REV3L: variants seen among roughly 807,000 people sequenced by gnomAD.
The protein encoded by REV3L is DNA polymerase zeta catalytic subunit.
A neutral mutation model predicts 299.4 loss-of-function variants in REV3L; 69 were observed. The observed-to-expected ratio is 0.23, with a 90% CI of 0.19 to 0.28. The LOEUF (loss-of-function observed/expected upper bound fraction) is 0.28. REV3L is among the 10% of genes least tolerant of loss of function. The probability of loss-of-function intolerance (pLI) is 1.00; values close to 1 mark genes in which losing one functional copy is unlikely to be tolerated. For missense variants in REV3L, 3,128 were observed against 3,693.8 expected (o/e 0.85, Z 3.97); for synonymous variants, 1,238 against 1,271.4 (o/e 0.97, Z 0.56).
At chr6:111,474,807 T>G (rs868139834) in intron 1 of REV3L, among the ~76,000 whole-genome samples, 1 of 152,226 alleles carries the variant, frequency 6.6e-6, no homozygotes, top group Non-Finnish European at 1.5e-5. Flanking sequence ...TTAAAAATAT[T>G]AACTTTGAAT....
intron 1 of REV3L, among the ~76,000 whole-genome samples, chr6:111,429,982 A>G (rs17539267): frequency 3.3e-5 from 5 of 152,230 alleles, no homozygotes; most frequent in Non-Finnish European, 7.3e-5. Flanking sequence ...AAGACAAAAA[A>G]CAATCATGAC....
intron 1 of REV3L, among the ~76,000 whole-genome samples, chr6:111,419,391 T>C (rs943227148): frequency 2.0e-5 from 3 of 152,112 alleles, no homozygotes; most frequent in Non-Finnish European, 4.4e-5. Flanking sequence ...TTTTTGGAAA[T>C]AGTATGTCTT....
rs369138730 is a variant in REV3L at position 111,416,384 on chromosome 6, A to G, written c.228T>C (p.Leu76=). The G allele has an allele frequency of 9.2e-5, 149 of 1,613,828 alleles. No individual in the cohort carries two copies. The African/African-American group carries it at 1.7e-3, about 19-fold the overall frequency. Residue 76 remains leucine, a synonymous_variant, in exon 2 of 32, where the codon CTT becomes CTC. Transcript: ENST00000368802. ...TGTCGATACTGAATGCCATCTGAGA[A>G]AGATAGCTTTCTGGCTGCTGTCCAT... ...DGYGQQPESY[L]SQMAFSIDRA... is the part of the protein sequence containing the mutation.
intron 1 of REV3L, among the ~76,000 whole-genome samples, chr6:111,420,923 G>A (rs1313376902): frequency 6.6e-6 from 1 of 152,042 alleles, no homozygotes; most frequent in Non-Finnish European, 1.5e-5. Flanking sequence ...GGTAGATCAC[G>A]AGGTCAGGAG....
At chr6:111,322,120 A>T (rs1774255090) in intron 26 of REV3L, among the ~76,000 whole-genome samples, 1 of 152,214 alleles carries the variant, frequency 6.6e-6, no homozygotes, top group Admixed American at 6.5e-5. Context: ...CACTTCTCTT[A>T]GAAGGTCAAC....
At chr6:111,402,781 T>G (rs2128271195) in intron 4 of REV3L, among the ~76,000 whole-genome samples, 1 of 152,270 alleles carries the variant, frequency 6.6e-6, no homozygotes, top group East Asian at 1.9e-4. Context: ...AAAAAAATTA[T>G]GGCAGTTAGA....
Position 111,349,306 on chromosome 6 carries a change from T to G in REV3L, c.7331A>C (p.Glu2444Ala), listed in dbSNP as rs749719847. Residue 2444 changes from glutamate to alanine, a missense_variant, in exon 20 of 32, where the codon GAA becomes GCA. Coordinates refer to ENST00000368802, the MANE Select transcript of REV3L (RefSeq NM_001372078.1). The part of the protein sequence containing the change: ...DDKIENRFAA[E>A]RDEYGSYTMS... Reference sequence around the variant, plus strand: ...TGTATATGATCCATACTCATCTCTTTCAGCTGCAAATCTGTTCTCAATTTT... The same window carrying G: ...TGTATATGATCCATACTCATCTCTTGCAGCTGCAAATCTGTTCTCAATTTT... 1.0e-5 allele frequency: 16 copies of G among 1,600,932 alleles called. No individual in the cohort carries two copies. The highest frequency in any genetic ancestry group is 1.4e-5 in the Non-Finnish European group (16 of 1,171,556).
chr6:111,323,624 C>CAAATATGAGA (rs1486285654), intron 25 of REV3L, among the ~76,000 whole-genome samples: 2 of 151,988 alleles, frequency 1.3e-5, no homozygotes, highest in Non-Finnish European at 2.9e-5. Flanking sequence ...TGGGCCTTGA[C>CAAATATGAGA]AAATATGAGA....
intron 9 of REV3L, among the ~76,000 whole-genome samples, chr6:111,384,186 G>A (rs1781107090): frequency 6.6e-6 from 1 of 152,076 alleles, no homozygotes; most frequent in Admixed American, 6.6e-5. Context: ...TAGAATATTG[G>A]TCTGAGCAAA....
intron 4 of REV3L, among the ~76,000 whole-genome samples, chr6:111,403,350 A>G (rs1294052117): frequency 6.6e-6 from 1 of 152,200 alleles, no homozygotes; most frequent in Non-Finnish European, 1.5e-5. Context: ...TACCCCATTA[A>G]ATTGTGCTTT....
chr6:111,423,754 A>G (rs1785847059), intron 1 of REV3L, among the ~76,000 whole-genome samples: 1 of 152,138 alleles, frequency 6.6e-6, no homozygotes, highest in Admixed American at 6.5e-5. Context: ...GGATTTAGGG[A>G]GTAGAATCAA....
intron 17 of REV3L, 25 bp downstream of exon 17, chr6:111,358,797 T>C (rs1308221027): frequency 5.7e-6 from 9 of 1,567,652 alleles, no homozygotes; most frequent in Non-Finnish European, 7.9e-6. Context: ...TGGGCAGGTA[T>C]ATCATTAATA....
rs780936950 is a variant in REV3L, at chr6:111,310,075, G to A, written c.8820C>T (p.Arg2940=). 7 of 1,579,338 alleles carry A rather than the reference G, an allele frequency of 4.4e-6. No individual in the cohort carries two copies. In the Admixed American group the frequency reaches 5.4e-5, roughly 12 times the overall value. The change falls in exon 30 of 32, where the codon CGC becomes CGT. Residue 2940 remains arginine, a synonymous_variant. Transcript: ENST00000368802. ...CTCGCTCCCCAACCTGAGGCTCAGA[G>A]CGCCGGTCATAAGTCAGCATTTTCC... ...LTRKMLTYDR[R]SEPQVGERVP...
chr6:111,338,132 T>C (rs1562144078), intron 21 of REV3L, among the ~76,000 whole-genome samples: 1 of 152,072 alleles, frequency 6.6e-6, no homozygotes, highest in Non-Finnish European at 1.5e-5. Context: ...GTATTACACA[T>C]ATATAAGAAT....
At chr6:111,330,942 T>G (rs490652) in intron 24 of REV3L, 26,448 of 971,244 alleles carry the variant, frequency 0.027, 433 homozygotes, top group South Asian at 0.079. Flanking sequence ...TCCCTCTTAC[T>G]GGTAGAGAAT....
intron 25 of REV3L, among the ~76,000 whole-genome samples, chr6:111,325,112 T>C (rs550906658): frequency 1.6e-4 from 25 of 152,254 alleles, no homozygotes; most frequent in Middle Eastern, 3.4e-3. Context: ...CCACCCGCCT[T>C]GGCCTCCCAA....
chr6:111,374,379 A>G lies in REV3L; in HGVS notation c.3976T>C (p.Ser1326Pro), dbSNP rs1399299474. Residue 1326 changes from serine to proline, a missense_variant, in exon 13 of 32, where the codon TCT (serine) becomes CCT (proline). Transcript: ENST00000368802. The part of the protein sequence containing the change: ...DDLHPSVVCN[S>P]IGPGVSKINV... ...ATTTTTGAGACTCCAGGTCCTATAG[A>G]ATTACAAACAACTGATGGATGCAAA... is the stretch of plus-strand genomic sequence containing the variant. 3.1e-6 allele frequency: 5 copies of G among 1,613,882 alleles called. No individual in the cohort carries two copies. Among genetic ancestry groups the G allele is most frequent in the Non-Finnish European group, 4.2e-6 (5 of 1,179,922 alleles).
chr6:111,309,706 C>T, intron 30 of REV3L, 147 bp downstream of exon 30: 1 of 853,328 alleles, frequency 1.2e-6, no homozygotes, highest in Non-Finnish European at 1.7e-6. Context: ...AGCACTTCCC[C>T]TCCCGCTTTC....
At chr6:111,411,628 T>C in intron 2 of REV3L, 74 bp from the exon 3 acceptor site, 1 of 993,592 alleles carries the variant, frequency 1.0e-6, no homozygotes, top group Non-Finnish European at 1.5e-6. Flanking sequence ...ATTGCCCTAA[T>C]TAGATTCAGC....
Sources: gnomAD v4.1 joint callset for allele counts (sites outside exome capture counted in the v4.1 genomes callset) on GRCh38, gnomAD v4.1.1 for gene constraint, MANE v1.5 for transcripts, NCBI Gene and HGNC (gene_info 2026-07-23, HGNC 2026-07-21) for gene names.